DENND1A: variants seen among roughly 807,000 people sequenced by gnomAD.
The protein encoded by DENND1A is DENN domain containing 1A.
DENND1A carries 51 observed loss-of-function variants against 113.7 expected under a neutral mutation model. The ratio of observed to expected loss-of-function variants is 0.45; its 90% CI spans 0.36 to 0.57. The LOEUF is 0.57. DENND1A is among the 20% of genes least tolerant of loss of function. DENND1A has a pLI of 0.00. For synonymous variants in DENND1A, 565 were observed against 570.8 expected (o/e 0.99, Z 0.14); for missense variants, 1,258 against 1,395.9 (o/e 0.90, Z 1.57).
chr9:123,856,173 C>A (rs1405361042), intron 2 of DENND1A, among the ~76,000 whole-genome samples: 1 of 152,202 alleles, frequency 6.6e-6, no homozygotes, highest in African/African-American at 2.4e-5. Flanking sequence ...ACTTTACTTT[C>A]TCTTCCTAAT....
intron 10 of DENND1A, among the ~76,000 whole-genome samples, chr9:123,627,536 T>A (rs904783222): frequency 3.3e-5 from 5 of 152,008 alleles, no homozygotes; most frequent in Non-Finnish European, 7.4e-5. Context: ...GGTCAGGAGA[T>A]CGAGACCATC....
chr9:123,586,641 C>G (rs2059178387), intron 11 of DENND1A, among the ~76,000 whole-genome samples: 1 of 152,204 alleles, frequency 6.6e-6, no homozygotes, highest in Non-Finnish European at 1.5e-5. Flanking sequence ...CAAGGGCCTT[C>G]CTGAAGCTCA....
intron 5 of DENND1A, among the ~76,000 whole-genome samples, chr9:123,752,822 A>C (rs2070176743): frequency 6.6e-6 from 1 of 152,250 alleles, no homozygotes; most frequent in Admixed American, 6.5e-5. Context: ...CAATATGAAA[A>C]TGCTAAAATG....
At chr9:123,495,924 G>A (rs1564599614) in intron 13 of DENND1A, among the ~76,000 whole-genome samples, 1 of 152,186 alleles carries the variant, frequency 6.6e-6, no homozygotes, top group Non-Finnish European at 1.5e-5. Flanking sequence ...AATGTTGTCC[G>A]CTCAAATCAT....
At chr9:123,586,434 T>C (rs2059166968) in intron 11 of DENND1A, among the ~76,000 whole-genome samples, 1 of 152,206 alleles carries the variant, frequency 6.6e-6, no homozygotes, top group Admixed American at 6.5e-5. Context: ...TGTTTACTTT[T>C]TCAACAATGG....
In DENND1A at chr9:123,381,337, A is replaced by G; in HGVS notation, c.*95T>C. On this transcript the variant is annotated 3_prime_UTR_variant, in exon 24 of 24. Transcript: ENST00000394215. This position sits in a 1 kb window ranked among gnomAD's most constrained non-coding sequence, Gnocchi z 4.7. ...GGGTCCCATCCCTTCCCACCAGCAG[A>G]ACCTGGGCAGAGAGAGAGTGGCGGG... The G allele has an allele frequency of 7.8e-7, 1 of 1,277,896 alleles. No homozygotes were observed. Among genetic ancestry groups the G allele is most frequent in the Admixed American group, 1.9e-5 (1 of 52,364 alleles). The allele number at this position is 1,277,896 out of a possible 1,614,324, so 79.2% of individuals were successfully genotyped here. A position where few individuals can be genotyped will look rare whatever the true frequency, so the allele number is the denominator to read the frequency against.
At chr9:123,459,965 A>T (rs1358516850) in intron 13 of DENND1A, among the ~76,000 whole-genome samples, 2 of 152,226 alleles carry the variant, frequency 1.3e-5, no homozygotes, top group Non-Finnish European at 2.9e-5. Context: ...GATCTGAGGC[A>T]GCTTATATGA....
chr9:123,900,432 C>T (rs551020697), intron 1 of DENND1A, among the ~76,000 whole-genome samples: 14 of 152,206 alleles, frequency 9.2e-5, no homozygotes, highest in Non-Finnish European at 1.6e-4. Context: ...AGAACACTAA[C>T]AGCCAGTGAT....
intron 9 of DENND1A, among the ~76,000 whole-genome samples, chr9:123,633,417 CT>C (rs2061566209): frequency 6.6e-6 from 1 of 152,136 alleles, no homozygotes; most frequent in African/African-American, 2.4e-5. Flanking sequence ...AGTTTAGTAA[CT>C]TGGCTTTTAA....
chr9:123,485,186 T>C (rs565394601), intron 13 of DENND1A, among the ~76,000 whole-genome samples: 3 of 152,306 alleles, frequency 2.0e-5, no homozygotes, highest in Non-Finnish European at 4.4e-5. Context: ...TGGGGAAACA[T>C]GTCTCTTGAA....
At chr9:123,827,535 T>G (rs375986387) in intron 2 of DENND1A, among the ~76,000 whole-genome samples, 1 of 151,942 alleles carries the variant, frequency 6.6e-6, no homozygotes, top group African/African-American at 2.4e-5. Context: ...CACATGTACA[T>G]GTACACACAG....
intron 13 of DENND1A, among the ~76,000 whole-genome samples, chr9:123,529,030 A>G (rs2055075441): frequency 6.6e-6 from 1 of 152,168 alleles, no homozygotes; most frequent in Admixed American, 6.5e-5. Context: ...AGCTTCTTTC[A>G]TTATAGTCTT....
rs1365695923 is a variant in DENND1A at position 123,689,845 on chromosome 9, C to A, written c.303-13056G>T. The stretch of plus-strand genomic sequence containing the variant: ...AGTTAGCTGGGTGTGGTGGCGCCTG[C>A]CTGTAGTCACTGTAATCCTGTATGC... On this transcript the variant is annotated intron_variant, in intron 5 of 23. Transcript: ENST00000394215. Among the ~76,000 whole-genome samples, 5 of 151,728 alleles carry A rather than the reference C, an allele frequency of 3.3e-5. No individual in the cohort carries two copies. The East Asian group carries it at 9.7e-4, about 29-fold the overall frequency.
intron 13 of DENND1A, among the ~76,000 whole-genome samples, chr9:123,470,203 G>A (rs2049284538): frequency 6.6e-6 from 1 of 152,200 alleles, no homozygotes; most frequent in Non-Finnish European, 1.5e-5. Flanking sequence ...CATAGGGTGA[G>A]TCCACAGTGC....
At chr9:123,878,730 A>G (rs953258810) in intron 2 of DENND1A, among the ~76,000 whole-genome samples, 1 of 152,204 alleles carries the variant, frequency 6.6e-6, no homozygotes. Context: ...GAATAAAGCC[A>G]TACTTCAAGC....
chr9:123,528,972 C>T (rs1362242375), intron 13 of DENND1A, among the ~76,000 whole-genome samples: 2 of 152,216 alleles, frequency 1.3e-5, no homozygotes, highest in African/African-American at 4.8e-5. Flanking sequence ...CCTTGACTTA[C>T]TCTGGCAGAG....
At chr9:123,901,727 A>G (rs1314571195) in intron 1 of DENND1A, among the ~76,000 whole-genome samples, 3 of 152,278 alleles carry the variant, frequency 2.0e-5, no homozygotes, top group East Asian at 1.9e-4. Flanking sequence ...GGACTCTTAA[A>G]ATAAAGGTGA....
intron 1 of DENND1A, among the ~76,000 whole-genome samples, chr9:123,920,438 A>G (rs1440746224): frequency 1.3e-5 from 2 of 151,680 alleles, no homozygotes; most frequent in Non-Finnish European, 2.9e-5. Flanking sequence ...ACACACACAC[A>G]AAAAAAACAC....
chr9:123,395,305 T>G (rs10986002), intron 21 of DENND1A, among the ~76,000 whole-genome samples: 17,752 of 151,946 alleles, frequency 0.12, 1,253 homozygotes, highest in East Asian at 0.28. Flanking sequence ...GACAGACAAA[T>G]GGGTCCCGTG....
Sources: gnomAD v4.1 joint callset for allele counts (sites outside exome capture counted in the v4.1 genomes callset) on GRCh38, gnomAD v4.1.1 for gene constraint, Gnocchi (gnomAD v3.1) non-coding constraint, MANE v1.5 for transcripts, NCBI Gene and HGNC (gene_info 2026-07-23, HGNC 2026-07-21) for gene names.